Variants in SPOCK3 observed in about 807,000 individuals in gnomAD.
The protein encoded by SPOCK3 is SPARC (osteonectin), cwcv and kazal like domains proteoglycan 3, also known as testican-3.
SPOCK3 carries 30 observed loss-of-function variants against 56.6 expected under a neutral mutation model. That is an observed-to-expected ratio of 0.53 (90% confidence interval 0.40 to 0.72). SPOCK3 has a LOEUF of 0.72. Among genes scored for constraint, SPOCK3 ranks in the 30% least tolerant of loss-of-function variants. The pLI, the probability that SPOCK3 is intolerant of heterozygous loss-of-function variation, is 0.00. For missense variants in SPOCK3, 527 were observed against 530.0 expected, an observed-to-expected ratio of 0.99 and a Z score of 0.06; for synonymous variants, 196 against 183.3, an observed-to-expected ratio of 1.07 and a Z score of -0.56.
intron 2 of SPOCK3, among the ~76,000 whole-genome samples, chr4:167,207,059 C>G (rs1179796486): frequency 6.6e-6 from 1 of 151,962 alleles, no homozygotes; most frequent in East Asian, 1.9e-4. Context: ...ACTGTGTACC[C>G]TATAAACGTG....
Position 167,150,646 on chromosome 4 carries a change from T to C in SPOCK3, c.189+83339A>G, listed in dbSNP as rs149538256. 6.5e-3 allele frequency among the ~76,000 whole-genome samples: 986 copies of C among 152,278 alleles called. 18 individuals carry two copies. The highest frequency in any genetic ancestry group is 0.022 in the African/African-American group (925 of 41,548). Reference sequence around the variant, plus strand: ...ATTGTGATAAATCACTATAGTGGTATGTGTGTAATGGGAGATGAATATTTG... The same window carrying C: ...ATTGTGATAAATCACTATAGTGGTACGTGTGTAATGGGAGATGAATATTTG... On this transcript the variant is annotated intron_variant, in intron 2 of 10. Transcript: ENST00000357545.
At chr4:166,845,891 G>A (rs1362027151) in intron 6 of SPOCK3, among the ~76,000 whole-genome samples, 2 of 152,136 alleles carry the variant, frequency 1.3e-5, no homozygotes, top group South Asian at 2.1e-4. Context: ...GAACATCACA[G>A]AATGCACTTA....
chr4:166,852,716 T>TGA (rs939486050), intron 6 of SPOCK3, among the ~76,000 whole-genome samples: 1 of 152,180 alleles, frequency 6.6e-6, no homozygotes, highest in African/African-American at 2.4e-5. Context: ...CAAACCTTAA[T>TGA]GAGAAATAAA....
intron 6 of SPOCK3, among the ~76,000 whole-genome samples, chr4:166,820,329 A>C (rs890729446): frequency 1.3e-5 from 2 of 152,092 alleles, no homozygotes; most frequent in African/African-American, 4.8e-5. Context: ...TTATTCATCA[A>C]CTAAAAATAA....
At chr4:166,791,684 G>A (rs1741374067) in intron 7 of SPOCK3, among the ~76,000 whole-genome samples, 1 of 151,854 alleles carries the variant, frequency 6.6e-6, no homozygotes, top group African/African-American at 2.4e-5. Flanking sequence ...GAGGTATATG[G>A]CTCTTTTTTT....
intron 2 of SPOCK3, among the ~76,000 whole-genome samples, chr4:167,081,488 T>G (rs1006466565): frequency 6.6e-6 from 1 of 152,086 alleles, no homozygotes; most frequent in Non-Finnish European, 1.5e-5. Flanking sequence ...ATTATGTTCA[T>G]GTGTAGTTAA....
chr4:166,933,931 T>C (rs1278543217), intron 4 of SPOCK3, among the ~76,000 whole-genome samples: 2 of 152,170 alleles, frequency 1.3e-5, no homozygotes, highest in Non-Finnish European at 2.9e-5. Flanking sequence ...AATATGCTGA[T>C]GTTCCATGTT....
At chr4:166,745,685 CAG>C (rs1312152163) in intron 8 of SPOCK3, among the ~76,000 whole-genome samples, 7 of 152,158 alleles carry the variant, frequency 4.6e-5, no homozygotes, top group Non-Finnish European at 1.0e-4. Flanking sequence ...TTAAAAGACA[CAG>C]ACTGGCAAGT....
At chr4:166,895,094 G>A (rs1030524361) in intron 5 of SPOCK3, among the ~76,000 whole-genome samples, 2 of 151,934 alleles carry the variant, frequency 1.3e-5, no homozygotes, top group African/African-American at 4.8e-5. Flanking sequence ...CAAAATTCTT[G>A]TTTGAATTAT....
At chr4:167,052,868 G>A (rs1482358612) in intron 3 of SPOCK3, among the ~76,000 whole-genome samples, 4 of 152,170 alleles carry the variant, frequency 2.6e-5, no homozygotes, top group South Asian at 2.1e-4. Flanking sequence ...CTTAAGAAGT[G>A]TAATAATAGT....
intron 2 of SPOCK3, among the ~76,000 whole-genome samples, chr4:167,069,530 C>A (rs548543365): frequency 1.8e-4 from 28 of 151,748 alleles, no homozygotes; most frequent in Non-Finnish European, 2.9e-4. Context: ...TCGTAGCGGG[C>A]GGGTTTGTTG....
At chr4:166,808,566 G>A (rs1277472433) in intron 6 of SPOCK3, among the ~76,000 whole-genome samples, 2 of 151,898 alleles carry the variant, frequency 1.3e-5, no homozygotes, top group Non-Finnish European at 2.9e-5. Context: ...TCTGATCTCA[G>A]ACTTCAGCCT....
intron 2 of SPOCK3, among the ~76,000 whole-genome samples, chr4:167,230,145 AATTT>A (rs201178760): frequency 0.03 from 4,614 of 151,962 alleles, 82 homozygotes; most frequent in Admixed American, 0.069. Flanking sequence ...ATTCCTAATT[AATTT>A]ATGTATTTCA....
chr4:166,886,831 A>C (rs1734247463), intron 6 of SPOCK3, among the ~76,000 whole-genome samples: 1 of 152,324 alleles, frequency 6.6e-6, no homozygotes, highest in Middle Eastern at 3.4e-3. Context: ...TTGAAAGATT[A>C]GAAATGATAC....
At chr4:167,215,952 T>C (rs1420316688) in intron 2 of SPOCK3, among the ~76,000 whole-genome samples, 1 of 152,172 alleles carries the variant, frequency 6.6e-6, no homozygotes, top group Non-Finnish European at 1.5e-5. Flanking sequence ...AGAAATTTGC[T>C]GGGTGAGCAT....
intron 4 of SPOCK3, among the ~76,000 whole-genome samples, chr4:166,947,692 C>A (rs1293615804): frequency 6.6e-6 from 1 of 152,048 alleles, no homozygotes; most frequent in Non-Finnish European, 1.5e-5. Flanking sequence ...CTAAAACATT[C>A]TCTGTGTTAC....
At chr4:167,069,305 T>C (rs531862570) in intron 2 of SPOCK3, among the ~76,000 whole-genome samples, 6 of 151,994 alleles carry the variant, frequency 3.9e-5, no homozygotes, top group African/African-American at 9.6e-5. Flanking sequence ...TTTGTCTATA[T>C]CCCCAGCAGG....
chr4:166,837,260 C>T (rs1007318276), intron 6 of SPOCK3, among the ~76,000 whole-genome samples: 2 of 152,138 alleles, frequency 1.3e-5, no homozygotes, highest in Non-Finnish European at 2.9e-5. Flanking sequence ...CAGCTTTAGC[C>T]ATTAAACCTT....
intron 2 of SPOCK3, among the ~76,000 whole-genome samples, chr4:167,158,720 A>C: frequency 6.6e-6 from 1 of 152,038 alleles, no homozygotes; most frequent in East Asian, 1.9e-4. Flanking sequence ...TGTAGGAGAA[A>C]TAAAATGGGT....
Sources: allele counts gnomAD v4.1 joint callset (sites outside exome capture counted in the v4.1 genomes callset), GRCh38; gene constraint gnomAD v4.1.1; transcripts MANE v1.5; gene names NCBI Gene and HGNC (gene_info 2026-07-23, HGNC 2026-07-21).